Variants in TBC1D32 observed in about 807,000 individuals in gnomAD.
The protein encoded by TBC1D32 is protein broad-minded.
TBC1D32 carries 151 observed loss-of-function variants against 170.3 expected under a neutral mutation model. That is an observed-to-expected ratio of 0.89 (90% CI 0.78 to 1.01). TBC1D32 has a LOEUF of 1.01. Among genes scored for constraint, TBC1D32 ranks in the 50% least tolerant of loss-of-function variants. TBC1D32 has a pLI of 0.00. For synonymous variants in TBC1D32, 498 were observed against 488.0 expected (o/e 1.02, Z -0.27); for missense variants, 1,464 against 1,457.1 (o/e 1.00, Z -0.08).
intron 22 of TBC1D32, among the ~76,000 whole-genome samples, chr6:121,183,384 T>C (rs1264239973): frequency 6.6e-6 from 1 of 152,122 alleles, no homozygotes; most frequent in East Asian, 1.9e-4. Flanking sequence ...CATAACAGTT[T>C]GTTTGCTTGC....
At chr6:121,154,492 C>T (rs993683484) in intron 24 of TBC1D32, among the ~76,000 whole-genome samples, 1 of 152,032 alleles carries the variant, frequency 6.6e-6, no homozygotes, top group Admixed American at 6.6e-5. Context: ...TTGTTCAAGG[C>T]CCTGTTAGAT....
intron 30 of TBC1D32, among the ~76,000 whole-genome samples, chr6:121,100,242 T>C (rs1194161773): frequency 6.6e-6 from 1 of 152,032 alleles, no homozygotes; most frequent in Non-Finnish European, 1.5e-5. Context: ...ATGTATATTC[T>C]GCTGATATGG....
intron 21 of TBC1D32, among the ~76,000 whole-genome samples, chr6:121,210,169 A>G (rs1167899955): frequency 1.3e-5 from 2 of 152,242 alleles, no homozygotes; most frequent in Non-Finnish European, 2.9e-5. Context: ...ATATCCCTAA[A>G]AGCTAAAGAA....
At chr6:121,315,826 A>G (rs749451152) in intron 3 of TBC1D32, among the ~76,000 whole-genome samples, 35 of 152,162 alleles carry the variant, frequency 2.3e-4, no homozygotes, top group Non-Finnish European at 4.7e-4. Flanking sequence ...AAGTATACAC[A>G]ATATCTCCTA....
chr6:121,308,414 T>C (rs1807649904), intron 4 of TBC1D32, among the ~76,000 whole-genome samples: 2 of 151,898 alleles, frequency 1.3e-5, no homozygotes, highest in Admixed American at 6.6e-5. Flanking sequence ...AATGCAACAT[T>C]TTCCAGTAGC....
chr6:121,307,976 A>C lies in TBC1D32; in HGVS notation c.690T>G (p.Ser230Arg). The C allele has an allele frequency of 1.2e-6, 2 of 1,611,256 alleles. No individual in the cohort carries two copies. The highest frequency in any genetic ancestry group is 2.2e-5 in the South Asian group (2 of 90,176). ...VSLSDPDPVF[S>R]DRILKFCAQT... ...AATATTTCTATAACCATTTTCTTACACTAAACACAGGATCAGGATCTGAAA... is the reference window on the plus strand; with the variant it reads ...AATATTTCTATAACCATTTTCTTACCCTAAACACAGGATCAGGATCTGAAA... Residue 230 changes from serine (S) to arginine (R), a missense_variant and splice_region_variant, in exon 5 of 32, where the codon AGT (serine) becomes AGG (arginine). By Grantham distance (110) the Ser-to-Arg change is moderately radical (BLOSUM62 -1). Around this residue, in one of 3 missense-constraint regions of TBC1D32, gnomAD observed 1,363 missense variants for 1,338.1 expected, o/e 1.02. Transcript: ENST00000398212.
At chr6:121,216,581 A>G (rs144282301) in intron 21 of TBC1D32, among the ~76,000 whole-genome samples, 9,826 of 152,224 alleles carry the variant, frequency 0.065, 619 homozygotes, top group Admixed American at 0.21. Context: ...CTGTTTAGAG[A>G]GTTATGCAAA....
At chr6:121,207,249 A>G (rs1302316800) in intron 21 of TBC1D32, among the ~76,000 whole-genome samples, 1 of 152,146 alleles carries the variant, frequency 6.6e-6, no homozygotes, top group Non-Finnish European at 1.5e-5. Flanking sequence ...AAGTATTATA[A>G]TAAATATTTC....
intron 4 of TBC1D32, among the ~76,000 whole-genome samples, chr6:121,310,346 T>A (rs893808054): frequency 6.6e-6 from 1 of 152,160 alleles, no homozygotes; most frequent in Non-Finnish European, 1.5e-5. Flanking sequence ...CAAAACATGT[T>A]GTACAAGACG....
At chr6:121,289,043 T>C (rs1421937179) in intron 12 of TBC1D32, among the ~76,000 whole-genome samples, 1 of 152,114 alleles carries the variant, frequency 6.6e-6, no homozygotes, top group African/African-American at 2.4e-5. Flanking sequence ...CTACAGCCAA[T>C]ATCATACTGA....
chr6:121,309,858 A>AC (rs770015485), intron 4 of TBC1D32, among the ~76,000 whole-genome samples: 1 of 151,904 alleles, frequency 6.6e-6, no homozygotes, highest in Non-Finnish European at 1.5e-5. Flanking sequence ...ATGTGACAAA[A>AC]CCCCATCTGT....
intron 24 of TBC1D32, among the ~76,000 whole-genome samples, chr6:121,149,314 A>G (rs568917786): frequency 6.6e-6 from 1 of 152,190 alleles, no homozygotes; most frequent in East Asian, 1.9e-4. Context: ...TTGGTGTTTT[A>G]GTCATGAAGT....
Position 121,080,698 on chromosome 6 carries a change from C to T in TBC1D32, c.*73G>A. 1 of 1,512,736 alleles carries T rather than the reference C, an allele frequency of 6.6e-7. No homozygotes were observed. The highest frequency in any genetic ancestry group is 8.9e-7 in the Non-Finnish European group (1 of 1,128,704). The allele number at this position is 1,512,736 out of a possible 1,614,324, so 93.7% of individuals were successfully genotyped here. On this transcript the variant is annotated 3_prime_UTR_variant, in exon 32 of 32. Coordinates refer to ENST00000398212, the MANE Select transcript of TBC1D32 (RefSeq NM_152730.6). ...CACAAAGTAAATGTTGTTACAGACA[C>T]AGAAAAACATCAAGCCCCCCTGCTG...
At chr6:121,143,487 G>C (rs1243941990) in intron 24 of TBC1D32, among the ~76,000 whole-genome samples, 1 of 152,210 alleles carries the variant, frequency 6.6e-6, no homozygotes, top group East Asian at 1.9e-4. Context: ...GTAGCAAACA[G>C]AATAAATCTA....
chr6:121,239,142 A>G lies in TBC1D32; in HGVS notation c.2292T>C (p.Tyr764=), dbSNP rs751688717. The change falls in exon 20 of 32, where the codon TAT becomes TAC. Residue 764 remains tyrosine (Y), a synonymous_variant. Coordinates refer to ENST00000398212, the MANE Select transcript of TBC1D32 (RefSeq NM_152730.6). ...LITELWSNLE[Y]GRDDVRVTHP... ...GGGTTACCCTAACATCATCTCTTCC[A>G]TATTCCAGATTGGACCATAATTCAG... is the stretch of plus-strand genomic sequence containing the variant. The G allele has an allele frequency of 2.5e-6, 4 of 1,605,190 alleles. No individual in the cohort carries two copies. Among genetic ancestry groups the G allele is most frequent in the African/African-American group, 2.7e-5 (2 of 74,780 alleles).
At chr6:121,290,384 A>C (rs1005328146) in intron 12 of TBC1D32, among the ~76,000 whole-genome samples, 30 of 152,112 alleles carry the variant, frequency 2.0e-4, no homozygotes, top group African/African-American at 4.6e-4. Context: ...ATGCAGCCAA[A>C]AGACACATGA....
intron 24 of TBC1D32, among the ~76,000 whole-genome samples, chr6:121,151,516 T>A (rs879538196): frequency 6.6e-6 from 1 of 152,202 alleles, no homozygotes; most frequent in Non-Finnish European, 1.5e-5. Flanking sequence ...GTCTATTAGA[T>A]CTGCTTGTTC....
intron 12 of TBC1D32, among the ~76,000 whole-genome samples, chr6:121,290,736 A>T (rs1248202028): frequency 2.0e-5 from 3 of 151,808 alleles, no homozygotes; most frequent in African/African-American, 7.3e-5. Flanking sequence ...AATAGCAAAG[A>T]CTTGGAACCA....
chr6:121,106,279 T>C (rs1478236386), intron 29 of TBC1D32, 116 bp from the exon 30 acceptor site: 2 of 490,174 alleles, frequency 4.1e-6, no homozygotes, highest in Non-Finnish European at 6.0e-6. Flanking sequence ...TGCTTCAAAA[T>C]TAATATGGTG....
Sources: gnomAD v4.1 joint callset for allele counts (sites outside exome capture counted in the v4.1 genomes callset) on GRCh38, gnomAD v4.1.1 for gene constraint, gnomAD v4.1.1 regional missense constraint, MANE v1.5 for transcripts, NCBI Gene and HGNC (gene_info 2026-07-23, HGNC 2026-07-21) for gene names.